Variants in ANKRD62 observed in about 807,000 individuals in gnomAD.
The protein encoded by ANKRD62 is ankyrin repeat domain-containing protein 62.
Under a neutral mutation model 98.8 loss-of-function variants are expected in ANKRD62, and 61 were observed. That is an observed-to-expected ratio of 0.62 (90% CI 0.50 to 0.76). ANKRD62 has a LOEUF of 0.76. Among genes scored for constraint, ANKRD62 ranks in the 30% least tolerant of loss-of-function variants. The probability of loss-of-function intolerance (pLI) is 0.00; values close to 1 mark genes in which losing one functional copy is unlikely to be tolerated. For synonymous variants in ANKRD62, 341 were observed against 367.9 expected (o/e 0.93, Z 0.84); for missense variants, 933 against 1,082.9 (o/e 0.86, Z 1.94).
rs867783700 is a variant in ANKRD62 at position 12,127,996 on chromosome 18, T to C, written c.*57T>C. The C allele has an allele frequency of 2.2e-5, 22 of 1,021,424 alleles. No individual in the cohort carries two copies. In the Middle Eastern group the frequency reaches 1.3e-3, roughly 60 times the overall value. 63.3% of individuals were successfully genotyped at this position (1,021,424 alleles called of 1,614,324 possible). ...CTAGTTTCAGTGGAGAGCTTTCTTT[T>C]GTATTTTCATTATAATTAATTTTAT... On this transcript the variant is annotated 3_prime_UTR_variant, in exon 14 of 14. Coordinates refer to ENST00000587848, the MANE Select transcript of ANKRD62 (RefSeq NM_001277333.2).
chr18:12,146,257 G>T, the ANKRD62 span, among the ~76,000 whole-genome samples: 1 of 152,156 alleles, frequency 6.6e-6, no homozygotes, highest in Admixed American at 6.5e-5. Context: ...GGTATTCCTT[G>T]GCCGGCAGAC....
downstream of ANKRD62, among the ~76,000 whole-genome samples, chr18:12,132,264 T>A (rs1220968455): frequency 6.6e-6 from 1 of 152,336 alleles, no homozygotes; most frequent in Admixed American, 6.5e-5. Context: ...TTTTTATATA[T>A]TGATCATGTA....
the ANKRD62 span, among the ~76,000 whole-genome samples, chr18:12,139,780 T>A: frequency 6.6e-5 from 10 of 152,160 alleles, no homozygotes; most frequent in Non-Finnish European, 1.0e-4. Context: ...GCCCTTAACA[T>A]TTTTTCCTTC....
chr18:12,114,802 A>G (rs1227601683), intron 8 of ANKRD62, among the ~76,000 whole-genome samples: 2 of 152,176 alleles, frequency 1.3e-5, no homozygotes, highest in Non-Finnish European at 2.9e-5. Context: ...TACTGCAAAT[A>G]ACATGTTTTT....
At chr18:12,173,839 G>T in the ANKRD62 span, among the ~76,000 whole-genome samples, 1 of 152,188 alleles carries the variant, frequency 6.6e-6, no homozygotes, top group Non-Finnish European at 1.5e-5. Context: ...GGCTTGTAGG[G>T]GTTCTGGCTG....
chr18:12,102,481 G>A, intron 6 of ANKRD62: 1 of 411,190 alleles, frequency 2.4e-6, no homozygotes, highest in Non-Finnish European at 4.7e-6. Flanking sequence ...TCTCATTCCT[G>A]AAAACTCAAG....
chr18:12,100,531 AAAAGTAACTGTCTTT>A (rs1280944488), intron 6 of ANKRD62, among the ~76,000 whole-genome samples: 1 of 152,186 alleles, frequency 6.6e-6, no homozygotes, highest in Admixed American at 6.5e-5. Flanking sequence ...GTGTCACTTA[AAAAGTAACTGTCTTT>A]AAAATAAGAA....
chr18:12,151,367 A>G, the ANKRD62 span, among the ~76,000 whole-genome samples: 1 of 152,026 alleles, frequency 6.6e-6, no homozygotes, highest in South Asian at 2.1e-4. Flanking sequence ...TTGACGTTAG[A>G]TCACTGAGGG....
the ANKRD62 span, among the ~76,000 whole-genome samples, chr18:12,152,100 C>G: frequency 2.8e-5 from 4 of 144,942 alleles, no homozygotes; most frequent in African/African-American, 1.0e-4. Context: ...AAAAAAGGCC[C>G]AGGACCCGAT....
the ANKRD62 span, among the ~76,000 whole-genome samples, chr18:12,134,932 C>T: frequency 6.6e-6 from 1 of 152,086 alleles, no homozygotes; most frequent in Non-Finnish European, 1.5e-5. Context: ...GTTCCAGATC[C>T]CTGAGGAATC....
At chr18:12,134,324 G>A (rs1910047620), downstream of ANKRD62, among the ~76,000 whole-genome samples, 1 of 152,100 alleles carries the variant, frequency 6.6e-6, no homozygotes, top group African/African-American at 2.4e-5. Context: ...AAATTGCAGT[G>A]TTTGTCCCTA....
chr18:12,101,857 CT>C lies in ANKRD62; in HGVS notation c.821-1299del, dbSNP rs983305748. 8.1e-5 allele frequency: 48 copies of C among 596,258 alleles called. No individual in the cohort carries two copies. In the Admixed American group the frequency reaches 1.3e-3, roughly 17 times the overall value. 36.9% of individuals were successfully genotyped at this position (596,258 alleles called of 1,614,324 possible). A position where few individuals can be genotyped will look rare whatever the true frequency, so the allele number is the denominator to read the frequency against. Reference sequence around the variant, plus strand: ...TCAAATATTAAATTTGGAAAACAATCTTGTGATTAAGAGAAGAAGGCTGTCC... The same window carrying C: ...TCAAATATTAAATTTGGAAAACAATCTGTGATTAAGAGAAGAAGGCTGTCC... On this transcript the variant is annotated intron_variant, in intron 6 of 13. Coordinates refer to ENST00000587848, the MANE Select transcript of ANKRD62 (RefSeq NM_001277333.2).
At chr18:12,158,726 G>C in the ANKRD62 span, among the ~76,000 whole-genome samples, 90,628 of 147,984 alleles carry the variant, frequency 0.61, 28,234 homozygotes, top group Middle Eastern at 0.76. Context: ...AGTAGAGATG[G>C]GGTTTCACCG....
At chr18:12,167,926 C>A in the ANKRD62 span, among the ~76,000 whole-genome samples, 1 of 152,112 alleles carries the variant, frequency 6.6e-6, no homozygotes, top group African/African-American at 2.4e-5. Flanking sequence ...GCATAAATGT[C>A]TTCTTTTGAG....
At chr18:12,175,665 G>C in the ANKRD62 span, among the ~76,000 whole-genome samples, 2 of 151,974 alleles carry the variant, frequency 1.3e-5, no homozygotes, top group Admixed American at 6.5e-5. Flanking sequence ...GACCAGGCTG[G>C]GGCCCCAGGA....
At chr18:12,127,606 G>A (rs1909919863) in intron 13 of ANKRD62, 142 bp from the exon 14 acceptor site, 2 of 543,318 alleles carry the variant, frequency 3.7e-6, no homozygotes, top group South Asian at 6.7e-5. Flanking sequence ...GTAATAAACA[G>A]GAATGTGTAC....
rs1428686515 is a variant in ANKRD62 at position 12,097,720 on chromosome 18, G to C, written c.695G>C (p.Cys232Ser). 1.3e-6 allele frequency: 2 copies of C among 1,535,904 alleles called. No individual in the cohort carries two copies. The highest frequency in any genetic ancestry group is 2.0e-5 in the Admixed American group (1 of 50,968). ...CTTCAGCACAATATTGATGTCTTTT[G>C]CCAAGATATATCTGGATGGACTGCA... ...QLLQHNIDVF[C>S]QDISGWTAED... is the part of the protein sequence containing the mutation. The change falls in exon 5 of 14, where the codon TGC (cysteine) becomes TCC (serine). Residue 232 changes from cysteine (C) to serine (S), a missense_variant. By Grantham distance (112) the Cys-to-Ser change is moderately radical. This residue lies in a region of ANKRD62 where 549 missense variants were observed against 587.9 expected (regional missense o/e 0.93). Transcript: ENST00000587848.
chr18:12,172,339 C>T, the ANKRD62 span, among the ~76,000 whole-genome samples: 1 of 152,084 alleles, frequency 6.6e-6, no homozygotes, highest in Admixed American at 6.6e-5. Flanking sequence ...TGTCCTTTCT[C>T]TTTGTTGGTT....
At chr18:12,135,114 C>T in the ANKRD62 span, among the ~76,000 whole-genome samples, 1 of 150,626 alleles carries the variant, frequency 6.6e-6, no homozygotes. Flanking sequence ...CATATGTATA[C>T]GTGTGCCATG....
Sources: allele counts gnomAD v4.1 joint callset (sites outside exome capture counted in the v4.1 genomes callset), GRCh38; gene constraint gnomAD v4.1.1; regional missense constraint gnomAD v4.1.1; transcripts MANE v1.5; gene names NCBI Gene and HGNC (gene_info 2026-07-23, HGNC 2026-07-21).